Variants in CAPS2 observed in about 807,000 individuals in gnomAD.
The protein encoded by CAPS2 is calcyphosine 2, also known as calcyphosin-2.
Under a neutral mutation model 86.5 loss-of-function variants are expected in CAPS2, and 98 were observed. That is an observed-to-expected ratio of 1.13 (90% CI 0.96 to 1.34). The LOEUF is 1.34. CAPS2 is among the 40% of genes most tolerant of loss of function. The probability of loss-of-function intolerance (pLI) is 0.00; values close to 1 mark genes in which losing one functional copy is unlikely to be tolerated. For missense variants in CAPS2, 729 were observed against 686.8 expected, an observed-to-expected ratio of 1.06 and a Z score of -0.69; for synonymous variants, 210 against 225.1, an observed-to-expected ratio of 0.93 and a Z score of 0.60.
intron 1 of CAPS2, among the ~76,000 whole-genome samples, chr12:75,379,131 T>C (rs937415052): frequency 1.3e-5 from 2 of 152,212 alleles, no homozygotes; most frequent in Non-Finnish European, 2.9e-5. Flanking sequence ...TTTATACTTA[T>C]TCATTCAAGA....
chr12:75,293,101 TA>T, intron 12 of CAPS2, 147 bp downstream of exon 12: 1 of 590,286 alleles, frequency 1.7e-6, no homozygotes, highest in Non-Finnish European at 2.9e-6. Context: ...AGATAGTACA[TA>T]AAAAAGACAT....
At chr12:75,379,218 G>T (rs903303065) in intron 1 of CAPS2, among the ~76,000 whole-genome samples, 2 of 152,132 alleles carry the variant, frequency 1.3e-5, no homozygotes, top group Admixed American at 6.5e-5. Context: ...CTGATGAAGA[G>T]GTACTTGTCA....
intron 7 of CAPS2, among the ~76,000 whole-genome samples, chr12:75,310,869 G>C (rs975239635): frequency 6.6e-6 from 1 of 152,074 alleles, no homozygotes; most frequent in African/African-American, 2.4e-5. Flanking sequence ...GGTAGCAGAA[G>C]CACTAAAGGG....
At chr12:75,326,613 G>T, upstream of CAPS2, 1 of 675,126 alleles carries the variant, frequency 1.5e-6, no homozygotes. Context: ...AAGTCTACCT[G>T]GAAAGAAATC....
intron 1 of CAPS2, among the ~76,000 whole-genome samples, chr12:75,348,601 T>C (rs1241992299): frequency 1.3e-5 from 2 of 152,192 alleles, no homozygotes; most frequent in Non-Finnish European, 2.9e-5. Flanking sequence ...TAATAGGGGA[T>C]GAAGGCTCAA....
At chr12:75,315,848 C>T (rs1007206270) in intron 6 of CAPS2, among the ~76,000 whole-genome samples, 1 of 152,052 alleles carries the variant, frequency 6.6e-6, no homozygotes, top group Non-Finnish European at 1.5e-5. Context: ...ACCATACTTG[C>T]CAACCTAATT....
intron 1 of CAPS2, among the ~76,000 whole-genome samples, chr12:75,346,256 GTTAA>G (rs535576744): frequency 9.1e-4 from 139 of 152,194 alleles, no homozygotes; most frequent in African/African-American, 3.2e-3. Flanking sequence ...TGTATTTTTG[GTTAA>G]TTGTTTAAAA....
chr12:75,353,794 C>A (rs963050215), intron 1 of CAPS2, among the ~76,000 whole-genome samples: 2 of 152,150 alleles, frequency 1.3e-5, no homozygotes, highest in African/African-American at 4.8e-5. Flanking sequence ...TTATCCATCA[C>A]AATCAAGTTG....
intron 1 of CAPS2, among the ~76,000 whole-genome samples, chr12:75,325,810 G>T (rs751242376): frequency 9.9e-5 from 15 of 152,014 alleles, no homozygotes; most frequent in African/African-American, 3.4e-4. Flanking sequence ...GAGTGTGAGG[G>T]GGGGTAGGGC....
chr12:75,371,588 A>G (rs1038539938), intron 1 of CAPS2: 7 of 197,148 alleles, frequency 3.6e-5, no homozygotes, highest in Non-Finnish European at 6.6e-5. Flanking sequence ...AGACAATAAT[A>G]AGGTTATAAT....
In CAPS2 at chr12:75,343,754, A is replaced by G. The variant is rs2042267421; in HGVS notation, c.-394-20532T>C. ...TGGGCAAACCAGTGCAAATTTGAAC[A>G]TAATGACTGTTTGGATAAATCATAT... On this transcript the variant is annotated intron_variant, in intron 1 of 5. Coordinates refer to the CAPS2 transcript ENST00000551829. 1.9e-6 allele frequency: 3 copies of G among 1,612,724 alleles called. No homozygotes were observed. The Admixed American group carries it at 5.0e-5, about 27-fold the overall frequency.
intron 1 of CAPS2, among the ~76,000 whole-genome samples, chr12:75,352,944 T>C (rs897634217): frequency 1.3e-5 from 2 of 152,124 alleles, no homozygotes; most frequent in Non-Finnish European, 2.9e-5. Flanking sequence ...CCTTAGAAAC[T>C]AATAAGAACA....
At chr12:75,278,093 T>C in exon 17 of CAPS2, 2 of 892,214 alleles carry the variant, frequency 2.2e-6, no homozygotes, top group Non-Finnish European at 2.7e-6. Context: ...TAAGATAATG[T>C]ATTGATTTTA....
At chr12:75,325,137 C>A in intron 2 of CAPS2, 102 bp downstream of exon 3, 1 of 1,121,524 alleles carries the variant, frequency 8.9e-7, no homozygotes, top group African/African-American at 1.6e-5. Flanking sequence ...CTGTGGTTCA[C>A]AATCATAGCT....
At chr12:75,370,566 G>A (rs1198153843) in intron 1 of CAPS2, 1 of 155,734 alleles carries the variant, frequency 6.4e-6, no homozygotes, top group African/African-American at 2.4e-5. Flanking sequence ...AAATGTTACT[G>A]AGGAAAGTTT....
chr12:75,293,450 T>A (rs2036358025), intron 11 of CAPS2, 83 bp from the exon 12 acceptor site: 2 of 851,042 alleles, frequency 2.4e-6, no homozygotes, highest in African/African-American at 1.7e-5. Flanking sequence ...TAATGGATTT[T>A]GATTAATGTG....
Position 75,286,040 on chromosome 12 carries a change from T to C in CAPS2, c.1396-960A>G, listed in dbSNP as rs2034815471. 3.3e-5 allele frequency among the ~76,000 whole-genome samples: 5 copies of C among 152,046 alleles called. No homozygotes were observed. In the South Asian group the frequency reaches 1.0e-3, roughly 31 times the overall value. On this transcript the variant is annotated intron_variant, in intron 14 of 16. Coordinates refer to ENST00000393284, the Ensembl canonical transcript of CAPS2. The stretch of plus-strand genomic sequence containing the variant: ...ACAGTTTTCCTTGACAACAAAGAAA[T>C]TACAGCATCATTTTCTCAAACTCAA...
At chr12:75,363,234 T>C in intron 1 of CAPS2, 1 of 867,350 alleles carries the variant, frequency 1.2e-6, no homozygotes. Flanking sequence ...GAGAGTAAAG[T>C]TTCCATATAT....
chr12:75,328,478 T>C (rs990253199), upstream of CAPS2, among the ~76,000 whole-genome samples: 7 of 152,198 alleles, frequency 4.6e-5, no homozygotes, highest in African/African-American at 1.4e-4. Flanking sequence ...CTCTTCACTG[T>C]CATTAGATTT....
Sources: allele counts gnomAD v4.1 joint callset (sites outside exome capture counted in the v4.1 genomes callset), GRCh38; gene constraint gnomAD v4.1.1; transcripts MANE v1.5; gene names NCBI Gene and HGNC (gene_info 2026-07-23, HGNC 2026-07-21).